Variants in ANKS1B observed in about 807,000 individuals in gnomAD.
ANKS1B encodes ankyrin repeat and sterile alpha motif domain-containing protein 1B.
A neutral mutation model predicts 148.3 loss-of-function variants in ANKS1B; 36 were observed. The observed-to-expected ratio is 0.24, with a 90% CI of 0.19 to 0.32. The LOEUF is 0.32. ANKS1B is among the 10% of genes least tolerant of loss of function. ANKS1B has a pLI of 1.00. For synonymous variants in ANKS1B, 542 were observed against 560.8 expected, an observed-to-expected ratio of 0.97 and a Z score of 0.47; for missense variants, 1,157 against 1,542.6, an observed-to-expected ratio of 0.75 and a Z score of 4.19.
intron 12 of ANKS1B, among the ~76,000 whole-genome samples, chr12:99,368,970 T>G (rs2092935370): frequency 6.6e-6 from 1 of 152,210 alleles, no homozygotes; most frequent in Non-Finnish European, 1.5e-5. Context: ...GAAACCACTG[T>G]TCCCATCAAG....
intron 8 of ANKS1B, among the ~76,000 whole-genome samples, chr12:99,720,889 T>C (rs1192229068): frequency 6.6e-6 from 1 of 152,198 alleles, no homozygotes; most frequent in African/African-American, 2.4e-5. Flanking sequence ...CAATATCTCC[T>C]GGTGCTATCC....
chr12:99,143,980 A>C (rs2071992545), intron 15 of ANKS1B, among the ~76,000 whole-genome samples: 1 of 152,074 alleles, frequency 6.6e-6, no homozygotes, highest in Admixed American at 6.6e-5. Context: ...GCTTTGGACC[A>C]TATATTTAGT....
chr12:99,561,223 G>C (rs773467006), intron 9 of ANKS1B, among the ~76,000 whole-genome samples: 3 of 151,852 alleles, frequency 2.0e-5, no homozygotes, highest in Non-Finnish European at 4.4e-5. Flanking sequence ...TTCTTCTATA[G>C]CATGTGATGC....
At chr12:99,959,217 C>T (rs941536760) in intron 1 of ANKS1B, among the ~76,000 whole-genome samples, 14 of 145,980 alleles carry the variant, frequency 9.6e-5, no homozygotes, top group Admixed American at 7.0e-5. Context: ...CAGGCCACCA[C>T]ACCCAGTTAA....
intron 9 of ANKS1B, chr12:99,648,046 A>C (rs2098388584): frequency 7.4e-7 from 1 of 1,346,764 alleles, no homozygotes; most frequent in African/African-American, 1.5e-5. Context: ...TTGGGGACAA[A>C]AAAGAAAGCC....
intron 15 of ANKS1B, among the ~76,000 whole-genome samples, chr12:99,143,132 G>C (rs937994479): frequency 1.3e-5 from 2 of 152,078 alleles, no homozygotes; most frequent in African/African-American, 4.8e-5. Context: ...CCAGACATTA[G>C]CTTATAAACT....
intron 1 of ANKS1B, among the ~76,000 whole-genome samples, chr12:99,972,443 A>G (rs1217184578): frequency 6.6e-6 from 1 of 152,214 alleles, no homozygotes; most frequent in Non-Finnish European, 1.5e-5. Flanking sequence ...TGATATGGAG[A>G]AAGTTTGAGG....
At chr12:99,107,566 C>T (rs772104423) in intron 15 of ANKS1B, among the ~76,000 whole-genome samples, 1 of 152,130 alleles carries the variant, frequency 6.6e-6, no homozygotes, top group Non-Finnish European at 1.5e-5. Context: ...AACAGAAATG[C>T]CTTATGCAGT....
At chr12:98,742,336 CCATG>C (rs1467180638), downstream of ANKS1B, among the ~76,000 whole-genome samples, 9 of 151,976 alleles carry the variant, frequency 5.9e-5, no homozygotes, top group Admixed American at 3.9e-4. Context: ...AGTTAAATGC[CCATG>C]CAGCTTTTTT....
intron 9 of ANKS1B, among the ~76,000 whole-genome samples, chr12:99,586,101 T>A (rs2097636560): frequency 6.6e-6 from 1 of 152,348 alleles, no homozygotes; most frequent in East Asian, 1.9e-4. Flanking sequence ...TCTGAACTTT[T>A]ATGGTCTGCT....
intron 12 of ANKS1B, among the ~76,000 whole-genome samples, chr12:99,386,973 T>C (rs1389848115): frequency 6.6e-6 from 1 of 152,236 alleles, no homozygotes; most frequent in Non-Finnish European, 1.5e-5. Flanking sequence ...TAATTTGCCA[T>C]TTATTGAGCA....
chr12:99,955,424 C>T (rs145066525), intron 1 of ANKS1B, among the ~76,000 whole-genome samples: 3 of 128,484 alleles, frequency 2.3e-5, no homozygotes, highest in Admixed American at 9.6e-5. Context: ...ACCCGGGAGG[C>T]GGAGCTTGCA....
intron 14 of ANKS1B, among the ~76,000 whole-genome samples, chr12:99,240,642 T>C (rs1157846982): frequency 6.6e-6 from 1 of 152,122 alleles, no homozygotes; most frequent in Non-Finnish European, 1.5e-5. Flanking sequence ...ACCACATAGT[T>C]AGAAGTAAAA....
At chr12:99,946,058 TAA>T (rs1169716853) in intron 1 of ANKS1B, among the ~76,000 whole-genome samples, 12 of 152,292 alleles carry the variant, frequency 7.9e-5, no homozygotes, top group African/African-American at 2.9e-4. Context: ...CTGGTGGTGT[TAA>T]CTCACTGAGA....
intron 15 of ANKS1B, among the ~76,000 whole-genome samples, chr12:99,149,079 G>C (rs1180847280): frequency 6.6e-6 from 1 of 151,856 alleles, no homozygotes; most frequent in East Asian, 1.9e-4. Flanking sequence ...GGAGGGGGGT[G>C]ACTAATCTCA....
chr12:99,884,407 G>C (rs1295680410), intron 1 of ANKS1B, among the ~76,000 whole-genome samples: 3 of 152,128 alleles, frequency 2.0e-5, no homozygotes, highest in African/African-American at 4.8e-5. Context: ...TTAGTTATTT[G>C]CCTAAAAGGA....
chr12:99,684,575 A>T (rs772855561), intron 8 of ANKS1B, among the ~76,000 whole-genome samples: 14 of 152,052 alleles, frequency 9.2e-5, no homozygotes, highest in Non-Finnish European at 1.9e-4. Context: ...TAGAAAAAAC[A>T]ATCCTAAAAT....
chr12:99,710,789 A>G (rs1253694119), intron 8 of ANKS1B, among the ~76,000 whole-genome samples: 1 of 152,064 alleles, frequency 6.6e-6, no homozygotes, highest in Non-Finnish European at 1.5e-5. Flanking sequence ...ACCTATATAG[A>G]CCCAAAACAA....
chr12:99,658,199 C>A (rs953989120), intron 8 of ANKS1B, among the ~76,000 whole-genome samples: 1 of 152,086 alleles, frequency 6.6e-6, no homozygotes, highest in African/African-American at 2.4e-5. Flanking sequence ...GTCCTGAATT[C>A]AAGTTCCAAA....
Sources: allele counts gnomAD v4.1 joint callset (sites outside exome capture counted in the v4.1 genomes callset), GRCh38; gene constraint gnomAD v4.1.1; transcripts MANE v1.5; gene names NCBI Gene and HGNC (gene_info 2026-07-23, HGNC 2026-07-21).